DNAJA4: variants seen among roughly 807,000 people sequenced by gnomAD.
The protein encoded by DNAJA4 is dnaJ homolog subfamily A member 4.
A neutral mutation model predicts 39.7 loss-of-function variants in DNAJA4; 32 were observed. That is an observed-to-expected ratio of 0.81 (90% CI 0.61 to 1.08). The LOEUF (loss-of-function observed/expected upper bound fraction) is 1.08, where lower values mean the gene tolerates loss of function less well. Among genes scored for constraint, DNAJA4 ranks in the 50% least tolerant of loss-of-function variants. DNAJA4 has a pLI of 0.00. For missense variants in DNAJA4, 439 were observed against 505.1 expected (o/e 0.87, Z 1.25); for synonymous variants, 184 against 182.4 (o/e 1.01, Z -0.07).
At chr15:78,277,483 C>G (rs1028333106) in intron 5 of DNAJA4, among the ~76,000 whole-genome samples, 1 of 152,160 alleles carries the variant, frequency 6.6e-6, no homozygotes, top group Non-Finnish European at 1.5e-5. Context: ...TTCCATAGAC[C>G]TCCCAAGGCA....
At chr15:78,275,288 T>A (rs955885541) in intron 4 of DNAJA4, 3 of 567,298 alleles carry the variant, frequency 5.3e-6, no homozygotes, top group Non-Finnish European at 9.4e-6. Context: ...TCCCTGTGCA[T>A]GCTGGGCTTG....
At chr15:78,278,536 C>T (rs150804414) in intron 5 of DNAJA4, among the ~76,000 whole-genome samples, 27 of 152,214 alleles carry the variant, frequency 1.8e-4, no homozygotes, top group Non-Finnish European at 3.2e-4. Flanking sequence ...AGTTGTAGTA[C>T]GATGCTGAGT....
chr15:78,267,168 G>GTGTGAGTA, intron 1 of DNAJA4, among the ~76,000 whole-genome samples: 1 of 102,414 alleles, frequency 9.8e-6, no homozygotes, highest in African/African-American at 3.2e-5. Context: ...GTATGTGAGT[G>GTGTGAGTA]TGTGAGTGTG....
In DNAJA4 at chr15:78,280,566, T is replaced by A. The variant is rs1488937736; in HGVS notation, c.*106T>A. 3.1e-6 allele frequency: 3 copies of A among 974,282 alleles called. No individual in the cohort carries two copies. The East Asian group carries it at 7.9e-5, about 26-fold the overall frequency. The allele number at this position is 974,282 out of a possible 1,614,324, so 60.4% of individuals were successfully genotyped here. ...ATGGCCTTGTGTTTGGGATGTCCTG[T>A]GTATGTGTTCAGCATTCTTAATTGC... On this transcript the variant is annotated 3_prime_UTR_variant, in exon 7 of 7. Transcript: ENST00000394852.
At chr15:78,275,199 C>G (rs1182422985) in intron 4 of DNAJA4, 2 of 398,092 alleles carry the variant, frequency 5.0e-6, no homozygotes, top group African/African-American at 2.0e-5. Context: ...GGCGGTGACC[C>G]TATGCTGGTG....
intron 5 of DNAJA4, among the ~76,000 whole-genome samples, chr15:78,277,415 A>G (rs908402667): frequency 2.6e-5 from 4 of 152,212 alleles, no homozygotes; most frequent in Non-Finnish European, 5.9e-5. Flanking sequence ...TGGGGGAAGC[A>G]CTGCAGTATA....
At chr15:78,274,131 G>C in intron 3 of DNAJA4, 66 bp from the exon 4 acceptor site, 1 of 1,491,418 alleles carries the variant, frequency 6.7e-7, no homozygotes, top group South Asian at 1.3e-5. Flanking sequence ...TTCTGCCATG[G>C]CGCCCAGCAG....
rs2049378747 is a variant in DNAJA4, at chr15:78,274,142, G to A, written c.419-55G>A. On this transcript the variant is annotated intron_variant, in intron 3 of 6. Coordinates refer to ENST00000394852, the MANE Select transcript of DNAJA4 (RefSeq NM_001130182.2). ...ACCCTTCTGCCATGGCGCCCAGCAG[G>A]GACACTGGTAAGGGAAGAGCATGGC... 4 of 1,548,756 alleles carry A rather than the reference G, an allele frequency of 2.6e-6. No individual in the cohort carries two copies. The South Asian group carries it at 3.6e-5, about 14-fold the overall frequency.
intron 2 of DNAJA4, among the ~76,000 whole-genome samples, chr15:78,270,893 C>CA (rs1373265353): frequency 4.0e-5 from 6 of 151,336 alleles, no homozygotes; most frequent in Admixed American, 3.9e-4. Flanking sequence ...CTCCCCATCT[C>CA]AAAAAAAATA....
At chr15:78,270,388 A>G (rs2049260183) in intron 1 of DNAJA4, 109 bp from the exon 2 acceptor site, 1 of 1,186,046 alleles carries the variant, frequency 8.4e-7, no homozygotes, top group East Asian at 2.3e-5. Context: ...GGCTAGTTCA[A>G]GGGTTTGGGG....
At chr15:78,278,697 G>C (rs1032026658) in intron 5 of DNAJA4, among the ~76,000 whole-genome samples, 4 of 152,130 alleles carry the variant, frequency 2.6e-5, no homozygotes, top group Non-Finnish European at 5.9e-5. Flanking sequence ...TGTCGCCCAG[G>C]CTGGAGTGCA....
intron 3 of DNAJA4, 63 bp from the exon 4 acceptor site, chr15:78,274,133 GC>G: frequency 6.6e-7 from 1 of 1,503,928 alleles, no homozygotes; most frequent in Non-Finnish European, 9.0e-7. Context: ...CTGCCATGGC[GC>G]CCAGCAGGGA....
At chr15:78,278,921 G>A (rs1279435376) in intron 5 of DNAJA4, among the ~76,000 whole-genome samples, 4 of 144,676 alleles carry the variant, frequency 2.8e-5, no homozygotes, top group South Asian at 2.1e-4. Flanking sequence ...CGCCCGCCTC[G>A]GCCTCCCAAA....
chr15:78,270,595 A>C lies in DNAJA4; in HGVS notation c.231A>C (p.Ser77=). The change falls in exon 2 of 7, where the codon TCA becomes TCC. Residue 77 remains serine, a synonymous_variant. Transcript: ENST00000394852. ...AGCAGGCAATTAAAGAAGGAGGCTC[A>C]GGCAGCCCCAGCTTCTCTTCACCCA... ...GGEQAIKEGG[S]GSPSFSSPMD... 2.5e-6 allele frequency: 4 copies of C among 1,614,128 alleles called. No homozygotes were observed. Among genetic ancestry groups the C allele is most frequent in the Non-Finnish European group, 3.4e-6 (4 of 1,179,936 alleles).
intron 1 of DNAJA4, chr15:78,265,398 C>G (rs2049093479): frequency 1.5e-6 from 1 of 682,486 alleles, no homozygotes; most frequent in Non-Finnish European, 2.7e-6. Context: ...TTGAGAATGA[C>G]TAGCTGGATT....
intron 3 of DNAJA4, 24 bp downstream of exon 3, chr15:78,273,223 C>T (rs372169582): frequency 3.2e-5 from 41 of 1,273,412 alleles, no homozygotes; most frequent in Non-Finnish European, 4.4e-5. Context: ...TTTGACTGAA[C>T]CGCACAGTTC....
At chr15:78,265,129 G>C (rs2049086931) in intron 1 of DNAJA4, among the ~76,000 whole-genome samples, 2 of 152,214 alleles carry the variant, frequency 1.3e-5, no homozygotes, top group Admixed American at 1.3e-4. Context: ...GGTCCCTCGC[G>C]AGTCCCTGCC....
intron 3 of DNAJA4, among the ~76,000 whole-genome samples, chr15:78,273,572 G>C (rs1210159731): frequency 6.6e-6 from 1 of 152,186 alleles, no homozygotes; most frequent in African/African-American, 2.4e-5. Context: ...TTTCTGTAAA[G>C]AGCCAGATTT....
In DNAJA4 at chr15:78,264,614, C is replaced by A; in HGVS notation, c.-150C>A. The A allele has an allele frequency of 9.3e-7, 1 of 1,081,064 alleles. No individual in the cohort carries two copies. The highest frequency in any genetic ancestry group is 1.7e-5 in the African/African-American group (1 of 58,064). The allele number at this position is 1,081,064 out of a possible 1,614,324, so 67.0% of individuals were successfully genotyped here. A position where few individuals can be genotyped will look rare whatever the true frequency, so the allele number is the denominator to read the frequency against. On this transcript the variant is annotated 5_prime_UTR_variant, in exon 1 of 7. Transcript: ENST00000394852. The stretch of plus-strand genomic sequence containing the variant: ...GGTCCGGCGCGGGGCGGGGGGCGGG[C>A]GGGAGCTACAAGCGGCGGCGGCGGC...
Sources: gnomAD v4.1 joint callset for allele counts (sites outside exome capture counted in the v4.1 genomes callset) on GRCh38, gnomAD v4.1.1 for gene constraint, MANE v1.5 for transcripts, NCBI Gene and HGNC (gene_info 2026-07-23, HGNC 2026-07-21) for gene names.